The following NXPE2 variants were observed in gnomAD, a reference collection of about 807,000 sequenced individuals.
NXPE2 encodes the protein NXPE family member 2.
Under a neutral mutation model 34.4 loss-of-function variants are expected in NXPE2, and 34 were observed. That is an observed-to-expected ratio of 0.99 (90% confidence interval 0.75 to 1.31). The LOEUF is 1.31. Ranked by LOEUF, NXPE2 falls within the 40% of genes most tolerant of loss-of-function variation. NXPE2 has a pLI of 0.00. For missense variants in NXPE2, 649 were observed against 672.5 expected, an observed-to-expected ratio of 0.97 and a Z score of 0.39; for synonymous variants, 235 against 231.3, an observed-to-expected ratio of 1.02 and a Z score of -0.15.
At chr11:114,632,918 T>G in the NXPE2 span, among the ~76,000 whole-genome samples, 69 of 95,318 alleles carry the variant, frequency 7.2e-4, 1 homozygote, top group African/African-American at 2.9e-3. Flanking sequence ...TATTATATTT[T>G]ATATAATTAT....
At chr11:114,752,501 G>A in the NXPE2 span, among the ~76,000 whole-genome samples, 3 of 152,188 alleles carry the variant, frequency 2.0e-5, no homozygotes, top group Non-Finnish European at 2.9e-5. Context: ...GGTGGAATCA[G>A]GGAGATCATT....
chr11:114,533,121 G>A, the NXPE2 span, among the ~76,000 whole-genome samples: 3 of 152,296 alleles, frequency 2.0e-5, no homozygotes, highest in South Asian at 4.1e-4. Flanking sequence ...TCCAAGGTAT[G>A]AGAATGATGG....
chr11:114,474,607 C>T, the NXPE2 span, among the ~76,000 whole-genome samples: 18 of 152,014 alleles, frequency 1.2e-4, no homozygotes, highest in South Asian at 8.3e-4. Context: ...TGGAGGGATG[C>T]GGACAAAGCC....
intron 2 of NXPE2, among the ~76,000 whole-genome samples, chr11:114,683,331 C>G (rs560753165): frequency 6.6e-6 from 1 of 152,044 alleles, no homozygotes. Flanking sequence ...TAGTACTTTT[C>G]ACTTTCTAAA....
chr11:114,614,644 C>T, the NXPE2 span, among the ~76,000 whole-genome samples: 1 of 151,056 alleles, frequency 6.6e-6, no homozygotes, highest in Non-Finnish European at 1.5e-5. Flanking sequence ...TAAGTATTGC[C>T]TTGTGGGTAT....
chr11:114,570,940 A>T, the NXPE2 span: 1 of 1,565,520 alleles, frequency 6.4e-7, no homozygotes, highest in Non-Finnish European at 8.7e-7. Flanking sequence ...TGTGTTATTT[A>T]ACAAATATAG....
the NXPE2 span, among the ~76,000 whole-genome samples, chr11:114,602,515 T>G: frequency 0.01 from 1,402 of 137,766 alleles, 20 homozygotes; most frequent in African/African-American, 0.034. Flanking sequence ...AAATTATAGA[T>G]TATACCACAT....
At chr11:114,531,818 C>A in the NXPE2 span, among the ~76,000 whole-genome samples, 4 of 152,192 alleles carry the variant, frequency 2.6e-5, no homozygotes, top group Admixed American at 2.6e-4. Context: ...ATCACTACAA[C>A]CTCAGAGGTC....
chr11:114,704,282 A>G (rs556638523), intron 4 of NXPE2, among the ~76,000 whole-genome samples: 10 of 152,208 alleles, frequency 6.6e-5, no homozygotes, highest in Non-Finnish European at 1.0e-4. Flanking sequence ...GGAAACCATT[A>G]ACTTCAGTGG....
the NXPE2 span, among the ~76,000 whole-genome samples, chr11:114,500,799 G>A: frequency 2.6e-5 from 4 of 152,130 alleles, no homozygotes; most frequent in Non-Finnish European, 5.9e-5. Context: ...GAATTGGTAT[G>A]AAGGAGAGGT....
the NXPE2 span, among the ~76,000 whole-genome samples, chr11:114,587,289 G>A: frequency 2.6e-5 from 4 of 152,122 alleles, no homozygotes; most frequent in African/African-American, 9.7e-5. Context: ...CACCTATTCT[G>A]CCTCCAATTA....
chr11:114,464,385 G>C, the NXPE2 span, among the ~76,000 whole-genome samples: 104 of 152,202 alleles, frequency 6.8e-4, 1 homozygote, highest in African/African-American at 2.4e-3. Flanking sequence ...AATCATTACT[G>C]ACCATCCTCA....
the NXPE2 span, among the ~76,000 whole-genome samples, chr11:114,636,151 G>C: frequency 6.6e-6 from 1 of 151,788 alleles, no homozygotes; most frequent in African/African-American, 2.4e-5. Flanking sequence ...GCCTGTTATT[G>C]GTCTATTCAG....
rs777029618 is a variant in NXPE2, at chr11:114,698,780, TA to T, written c.866+5del. 1.9e-5 allele frequency: 29 copies of T among 1,518,184 alleles called. No individual in the cohort carries two copies. The highest frequency in any genetic ancestry group is 1.8e-5 in the Non-Finnish European group (21 of 1,135,778). 94.0% of individuals were successfully genotyped at this position (1,518,184 alleles called of 1,614,324 possible). Reference sequence around the variant, plus strand: ...GGAAGAATGGAGGCTTTTCCACAGGTAAAGAGGCTTTTAAATACAATAGCAG... The same window carrying T: ...GGAAGAATGGAGGCTTTTCCACAGGTAAGAGGCTTTTAAATACAATAGCAG... On this transcript the variant is annotated splice_donor_region_variant and intron_variant, in intron 3 of 5. Transcript: ENST00000389586.
chr11:114,484,595 G>A, the NXPE2 span, among the ~76,000 whole-genome samples: 3 of 152,146 alleles, frequency 2.0e-5, no homozygotes, highest in Non-Finnish European at 4.4e-5. Context: ...AGGGATATTA[G>A]AAATCCCCGT....
chr11:114,472,760 T>C, the NXPE2 span, among the ~76,000 whole-genome samples: 3 of 152,202 alleles, frequency 2.0e-5, no homozygotes, highest in Non-Finnish European at 4.4e-5. Context: ...TCATGAATGT[T>C]CTACGTAATG....
chr11:114,580,402 G>GATA, the NXPE2 span: 1 of 1,427,032 alleles, frequency 7.0e-7, no homozygotes, highest in Non-Finnish European at 9.8e-7. Context: ...TATGTATTAA[G>GATA]AGCCTTCTAT....
chr11:114,601,890 AT>A, the NXPE2 span, among the ~76,000 whole-genome samples: 4 of 42,806 alleles, frequency 9.3e-5, no homozygotes, highest in Non-Finnish European at 1.4e-4. Flanking sequence ...ATAATTATAT[AT>A]TATATTTATA....
the NXPE2 span, among the ~76,000 whole-genome samples, chr11:114,803,943 A>G: frequency 6.6e-6 from 1 of 151,572 alleles, no homozygotes; most frequent in Non-Finnish European, 1.5e-5. Context: ...TGATCTAATC[A>G]CCCCCCAAAG....
Sources: gnomAD v4.1 joint callset for allele counts (sites outside exome capture counted in the v4.1 genomes callset) on GRCh38, gnomAD v4.1.1 for gene constraint, MANE v1.5 for transcripts, NCBI Gene and HGNC (gene_info 2026-07-23, HGNC 2026-07-21) for gene names.